EFCAB13: variants seen among roughly 807,000 people sequenced by gnomAD.
EFCAB13 encodes EF-hand calcium-binding domain-containing protein 13.
EFCAB13 carries 91 observed loss-of-function variants against 110.2 expected under a neutral mutation model. The ratio of observed to expected loss-of-function variants is 0.83; its 90% CI spans 0.70 to 0.98. EFCAB13 has a LOEUF of 0.98. EFCAB13 is among the 50% of genes least tolerant of loss of function. The pLI, the probability that EFCAB13 is intolerant of heterozygous loss-of-function variation, is 0.00. For missense variants in EFCAB13, 968 were observed against 1,119.4 expected, an observed-to-expected ratio of 0.86 and a Z score of 1.93; for synonymous variants, 323 against 369.9, an observed-to-expected ratio of 0.87 and a Z score of 1.45.
At chr17:47,353,909 T>A (rs1027219335) in intron 9 of EFCAB13, among the ~76,000 whole-genome samples, 3 of 152,274 alleles carry the variant, frequency 2.0e-5, no homozygotes, top group Non-Finnish European at 4.4e-5. Flanking sequence ...ATTTCTTTTC[T>A]TCTGCTGGGT....
intron 5 of EFCAB13, among the ~76,000 whole-genome samples, chr17:47,340,344 A>G (rs1286385735): frequency 2.0e-5 from 3 of 151,976 alleles, no homozygotes; most frequent in Admixed American, 6.6e-5. Flanking sequence ...GAAATATTCT[A>G]GCAGCCAGGC....
At chr17:47,375,166 G>A (rs1373342400) in intron 12 of EFCAB13, among the ~76,000 whole-genome samples, 200 bp downstream of exon 12, 1 of 152,036 alleles carries the variant, frequency 6.6e-6, no homozygotes, top group African/African-American at 2.4e-5. Flanking sequence ...CAATCCTCCT[G>A]CATTGGCCTC....
chr17:47,369,296 A>G (rs1455866742), intron 10 of EFCAB13, among the ~76,000 whole-genome samples: 1 of 152,210 alleles, frequency 6.6e-6, no homozygotes, highest in African/African-American at 2.4e-5. Flanking sequence ...TATCATTTTT[A>G]TTATTCCCAA....
At chr17:47,327,583 T>C (rs893166561) in intron 3 of EFCAB13, among the ~76,000 whole-genome samples, 1 of 152,128 alleles carries the variant, frequency 6.6e-6, no homozygotes, top group African/African-American at 2.4e-5. Context: ...GCCTCCTGAG[T>C]ATCTGGGATT....
chr17:47,355,771 C>A (rs2065477434), intron 9 of EFCAB13, among the ~76,000 whole-genome samples: 2 of 151,956 alleles, frequency 1.3e-5, no homozygotes, highest in African/African-American at 4.8e-5. Context: ...CGGGGTTTCA[C>A]CAGGTTGGCC....
intron 23 of EFCAB13, among the ~76,000 whole-genome samples, chr17:47,425,548 C>T (rs573500900): frequency 9.8e-4 from 150 of 152,322 alleles, no homozygotes; most frequent in African/African-American, 3.4e-3. Context: ...GGGGATCTTA[C>T]ATTTCAACAC....
chr17:47,344,171 C>G lies in EFCAB13; in HGVS notation c.313C>G (p.Pro105Ala), dbSNP rs757091075. ...QHSKRTEIIP[P>A]FLKLSKEKVT... Reference sequence around the variant, plus strand: ...TTGCATTTGGCTCTAGATTATCCCTCCTTTTCTGAAGCTGTCAAAGGAGAA... The same window carrying G: ...TTGCATTTGGCTCTAGATTATCCCTGCTTTTCTGAAGCTGTCAAAGGAGAA... The change falls in exon 7 of 25, where the codon CCT (proline) becomes GCT (alanine). Residue 105 changes from proline to alanine, a missense_variant. Transcript: ENST00000331493. 5 of 1,612,708 alleles carry G rather than the reference C, an allele frequency of 3.1e-6. No individual in the cohort carries two copies. The highest frequency in any genetic ancestry group is 8.5e-7 in the Non-Finnish European group (1 of 1,179,108).
intron 23 of EFCAB13, among the ~76,000 whole-genome samples, chr17:47,426,134 A>G (rs1282527129): frequency 6.6e-6 from 1 of 152,236 alleles, no homozygotes; most frequent in African/African-American, 2.4e-5. Context: ...AGAAAAAGGA[A>G]ACCCAAAAGG....
At chr17:47,423,718 C>G (rs1655365138) in intron 23 of EFCAB13, among the ~76,000 whole-genome samples, 2 of 151,574 alleles carry the variant, frequency 1.3e-5, no homozygotes. Flanking sequence ...GACCCGCGGG[C>G]GCCGGCAGGG....
chr17:47,369,176 A>G (rs1194719055), intron 10 of EFCAB13, among the ~76,000 whole-genome samples: 2 of 152,224 alleles, frequency 1.3e-5, no homozygotes, highest in Admixed American at 6.5e-5. Context: ...CTGTGAACCT[A>G]CAGGACCTCC....
At chr17:47,359,691 T>C (rs960461367) in intron 9 of EFCAB13, among the ~76,000 whole-genome samples, 1 of 151,116 alleles carries the variant, frequency 6.6e-6, no homozygotes, top group African/African-American at 2.4e-5. Context: ...TAGTTACATA[T>C]GTATACATGT....
chr17:47,425,118 G>A (rs1484964954), intron 23 of EFCAB13, among the ~76,000 whole-genome samples: 2 of 150,936 alleles, frequency 1.3e-5, no homozygotes, highest in Non-Finnish European at 3.0e-5. Context: ...TCCTGACCTC[G>A]TGATCCGCCC....
At chr17:47,386,642 A>C (rs117292773) in intron 14 of EFCAB13, among the ~76,000 whole-genome samples, 6,381 of 152,024 alleles carry the variant, frequency 0.042, 193 homozygotes, top group Middle Eastern at 0.15. Context: ...GGGAGTGAAC[A>C]GCTCTGTCTC....
rs575935494 is a variant in EFCAB13, at chr17:47,352,449, A to G, written c.661+4498A>G. Reference sequence around the variant, plus strand: ...GTTCTGTTTTCTGTTCCACTGATTTATGTTTCTACTTTTATAGCAGTACCA... The same window carrying G: ...GTTCTGTTTTCTGTTCCACTGATTTGTGTTTCTACTTTTATAGCAGTACCA... On this transcript the variant is annotated intron_variant, in intron 9 of 24. Transcript: ENST00000331493. 8.5e-5 allele frequency among the ~76,000 whole-genome samples: 13 copies of G among 152,122 alleles called. No homozygotes were observed. In the East Asian group the frequency reaches 2.5e-3, roughly 29 times the overall value.
chr17:47,403,339 G>A (rs1366838114), intron 18 of EFCAB13, among the ~76,000 whole-genome samples: 1 of 152,132 alleles, frequency 6.6e-6, no homozygotes. Context: ...GAGACATTAA[G>A]TAGTAATAAT....
intron 14 of EFCAB13, among the ~76,000 whole-genome samples, chr17:47,380,101 T>A (rs917174003): frequency 7.9e-6 from 1 of 127,212 alleles, no homozygotes; most frequent in African/African-American, 2.8e-5. Context: ...TTTATTATAC[T>A]TTAAGTTCTG....
At chr17:47,393,753 TAAAA>T (rs200501700) in intron 15 of EFCAB13, among the ~76,000 whole-genome samples, 7,294 of 132,240 alleles carry the variant, frequency 0.055, 239 homozygotes, top group East Asian at 0.11. Flanking sequence ...AATAAATAAA[TAAAA>T]ATAAAAATAA....
At chr17:47,369,108 A>G (rs1223230611) in intron 10 of EFCAB13, among the ~76,000 whole-genome samples, 1 of 152,220 alleles carries the variant, frequency 6.6e-6, no homozygotes, top group Non-Finnish European at 1.5e-5. Flanking sequence ...AAAATGGTAT[A>G]TGAACCTGAT....
At chr17:47,396,021 T>G (rs1367201512) in intron 17 of EFCAB13, 44 bp downstream of exon 17, 1 of 1,510,840 alleles carries the variant, frequency 6.6e-7, no homozygotes, top group African/African-American at 1.4e-5. Flanking sequence ...ACCAAGATAT[T>G]ACTTTATTTT....
Sources: allele counts gnomAD v4.1 joint callset (sites outside exome capture counted in the v4.1 genomes callset), GRCh38; gene constraint gnomAD v4.1.1; transcripts MANE v1.5; gene names NCBI Gene and HGNC (gene_info 2026-07-23, HGNC 2026-07-21).